SGCD: variants seen among roughly 807,000 people sequenced by gnomAD.
The protein encoded by SGCD is delta-sarcoglycan.
In SGCD, 18 loss-of-function variants were observed where a neutral mutation model predicts 36.6. That is an observed-to-expected ratio of 0.49 (90% CI 0.34 to 0.73). The LOEUF is 0.73. Ranked by LOEUF, SGCD falls within the 30% of genes least tolerant of loss-of-function variation. The pLI, the probability that SGCD is intolerant of heterozygous loss-of-function variation, is 0.01. For synonymous variants in SGCD, 133 were observed against 130.6 expected, an observed-to-expected ratio of 1.02 and a Z score of -0.12; for missense variants, 387 against 346.7, an observed-to-expected ratio of 1.12 and a Z score of -0.92.
chr5:156,122,843 T>TTAA (rs1762076620), intron 2 of SGCD, among the ~76,000 whole-genome samples: 28 of 54,166 alleles, frequency 5.2e-4, no homozygotes, highest in South Asian at 8.8e-4. Context: ...AAAGATGTGG[T>TTAA]AAAAAAAAAA....
chr5:156,622,773 A>G (rs1762304901), intron 6 of SGCD, among the ~76,000 whole-genome samples: 1 of 152,116 alleles, frequency 6.6e-6, no homozygotes, highest in South Asian at 2.1e-4. Context: ...TCTTCTTGGC[A>G]TCTCTTTGTC....
chr5:155,895,787 A>G (rs553912936), intron 1 of SGCD, among the ~76,000 whole-genome samples: 10 of 152,276 alleles, frequency 6.6e-5, no homozygotes, highest in African/African-American at 2.4e-4. Flanking sequence ...TTCGGCTTTT[A>G]TACAGCAAAG....
chr5:156,216,904 C>A (rs1421681607), intron 3 of SGCD, among the ~76,000 whole-genome samples: 1 of 152,062 alleles, frequency 6.6e-6, no homozygotes, highest in East Asian at 1.9e-4. Context: ...CATGGCAAAA[C>A]CCCAACTCTA....
At chr5:155,734,535 A>G in the SGCD span, among the ~76,000 whole-genome samples, 1 of 152,128 alleles carries the variant, frequency 6.6e-6, no homozygotes, top group African/African-American at 2.4e-5. Context: ...TAGCAGACTG[A>G]CAGAATCCAG....
At chr5:156,467,376 C>T (rs1053965169) in intron 3 of SGCD, among the ~76,000 whole-genome samples, 1 of 152,128 alleles carries the variant, frequency 6.6e-6, no homozygotes, top group Non-Finnish European at 1.5e-5. Context: ...ATTCAGGATT[C>T]ATCTGGTTAG....
intron 2 of SGCD, among the ~76,000 whole-genome samples, chr5:156,338,305 G>C (rs1336032230): frequency 6.6e-6 from 1 of 152,194 alleles, no homozygotes; most frequent in African/African-American, 2.4e-5. Flanking sequence ...AGCCCTGTGG[G>C]AACAAAGATG....
the SGCD span, among the ~76,000 whole-genome samples, chr5:155,761,583 CTCTCCATCA>C: frequency 0.069 from 9,421 of 136,738 alleles, 429 homozygotes; most frequent in Middle Eastern, 0.1. Flanking sequence ...CTCCGTCATC[CTCTCCATCA>C]TCTCCATCAC....
chr5:155,884,606 T>A (rs1358630191), intron 1 of SGCD, among the ~76,000 whole-genome samples: 1 of 152,216 alleles, frequency 6.6e-6, no homozygotes, highest in Non-Finnish European at 1.5e-5. Flanking sequence ...TCTCATTGCT[T>A]TCTCCCTTGA....
intron 7 of SGCD, among the ~76,000 whole-genome samples, chr5:156,706,266 C>T (rs1754737325): frequency 1.3e-5 from 2 of 152,158 alleles, no homozygotes; most frequent in Non-Finnish European, 2.9e-5. Flanking sequence ...TGTCATCTCA[C>T]TCTGATTGTT....
chr5:156,149,758 C>G (rs949078705), intron 3 of SGCD, among the ~76,000 whole-genome samples: 1 of 152,154 alleles, frequency 6.6e-6, no homozygotes, highest in Non-Finnish European at 1.5e-5. Flanking sequence ...AGGAGGCTGG[C>G]ATGGCCTCCT....
intron 2 of SGCD, among the ~76,000 whole-genome samples, chr5:156,120,137 C>G (rs552996119): frequency 6.6e-6 from 1 of 152,290 alleles, no homozygotes; most frequent in South Asian, 2.1e-4. Context: ...GCTGTGCCCT[C>G]TGGACCTAGT....
intron 3 of SGCD, among the ~76,000 whole-genome samples, chr5:156,351,807 G>A (rs1354511987): frequency 1.3e-5 from 2 of 152,220 alleles, no homozygotes; most frequent in Non-Finnish European, 2.9e-5. Flanking sequence ...TAAAGCCTCA[G>A]AGTAGAGATT....
At chr5:155,878,357 C>T (rs954520276) in intron 1 of SGCD, among the ~76,000 whole-genome samples, 20 of 151,990 alleles carry the variant, frequency 1.3e-4, no homozygotes, top group African/African-American at 4.1e-4. Flanking sequence ...TGTCCTCTTA[C>T]GTGAGCTACC....
intron 3 of SGCD, among the ~76,000 whole-genome samples, chr5:156,313,135 T>G (rs1767431931): frequency 6.6e-6 from 1 of 152,070 alleles, no homozygotes; most frequent in Non-Finnish European, 1.5e-5. Context: ...CCCTCTGCCT[T>G]CTTGTCTTCC....
At chr5:156,612,649 C>G (rs980816623) in intron 6 of SGCD, among the ~76,000 whole-genome samples, 45 of 152,208 alleles carry the variant, frequency 3.0e-4, no homozygotes, top group Non-Finnish European at 2.1e-4. Flanking sequence ...TTCCACTGAG[C>G]CTAGGCTCTG....
chr5:156,482,813 GTTTTTTT>G (rs3074979), intron 3 of SGCD, among the ~76,000 whole-genome samples: 8 of 83,378 alleles, frequency 9.6e-5, no homozygotes, highest in South Asian at 1.0e-3. Flanking sequence ...CTTTTGGTCA[GTTTTTTT>G]TTTTTTTTTT....
At chr5:156,517,711 C>T (rs564249076) in intron 4 of SGCD, among the ~76,000 whole-genome samples, 3 of 152,158 alleles carry the variant, frequency 2.0e-5, no homozygotes, top group East Asian at 3.9e-4. Context: ...AAAAAAATTT[C>T]CAACCCTGAA....
the SGCD span, among the ~76,000 whole-genome samples, chr5:155,849,444 G>A: frequency 3.1e-4 from 42 of 136,706 alleles, no homozygotes; most frequent in East Asian, 1.1e-3. Flanking sequence ...ACATGTGCGC[G>A]CGCACACACA....
At chr5:156,582,190 A>G (rs1233212885) in intron 4 of SGCD, among the ~76,000 whole-genome samples, 3 of 152,148 alleles carry the variant, frequency 2.0e-5, no homozygotes, top group African/African-American at 7.2e-5. Context: ...GTTGTTTTGT[A>G]TGTTGTGAAG....
Sources: gnomAD v4.1 joint callset for allele counts (sites outside exome capture counted in the v4.1 genomes callset) on GRCh38, gnomAD v4.1.1 for gene constraint, MANE v1.5 for transcripts, NCBI Gene and HGNC (gene_info 2026-07-23, HGNC 2026-07-21) for gene names.